GALNTL6: variants seen among roughly 807,000 people sequenced by gnomAD.
GALNTL6 encodes polypeptide N-acetylgalactosaminyltransferase like 6, also known as polypeptide N-acetylgalactosaminyltransferase-like 6.
GALNTL6 carries 46 observed loss-of-function variants against 73.7 expected under a neutral mutation model. The ratio of observed to expected loss-of-function variants is 0.62; its 90% CI spans 0.49 to 0.80. The LOEUF (loss-of-function observed/expected upper bound fraction) is 0.80. Among genes scored for constraint, GALNTL6 ranks in the 30% least tolerant of loss-of-function variants. GALNTL6 has a pLI of 0.00. For synonymous variants in GALNTL6, 259 were observed against 263.7 expected (o/e 0.98, Z 0.17); for missense variants, 604 against 755.0 (o/e 0.80, Z 2.34).
intron 7 of GALNTL6, among the ~76,000 whole-genome samples, chr4:172,866,146 C>G (rs1299107299): frequency 6.6e-6 from 1 of 152,172 alleles, no homozygotes. Context: ...GATACCTGTT[C>G]AGGTATCCTG....
At chr4:171,822,377 T>A (rs995572664) in intron 2 of GALNTL6, among the ~76,000 whole-genome samples, 3 of 152,166 alleles carry the variant, frequency 2.0e-5, no homozygotes, top group African/African-American at 7.2e-5. Flanking sequence ...GTGGGCCTCA[T>A]CCCTTACAGA....
intron 5 of GALNTL6, among the ~76,000 whole-genome samples, chr4:172,598,352 T>G (rs1396153895): frequency 6.6e-6 from 1 of 152,166 alleles, no homozygotes; most frequent in Non-Finnish European, 1.5e-5. Flanking sequence ...AATTATTTCT[T>G]GCTTCTTAAA....
chr4:172,457,170 C>A (rs1031456732), intron 5 of GALNTL6, among the ~76,000 whole-genome samples: 38 of 151,882 alleles, frequency 2.5e-4, no homozygotes, highest in Non-Finnish European at 5.0e-4. Context: ...TTTGTCACCA[C>A]CAGGCCTGCC....
chr4:172,583,792 G>A (rs1459095000), intron 5 of GALNTL6, among the ~76,000 whole-genome samples: 1 of 150,626 alleles, frequency 6.6e-6, no homozygotes, highest in African/African-American at 2.4e-5. Flanking sequence ...AGCTACTCAG[G>A]AGGCTGAGGC....
chr4:172,289,172 CA>C (rs1739372287), intron 3 of GALNTL6, among the ~76,000 whole-genome samples: 1 of 151,936 alleles, frequency 6.6e-6, no homozygotes. Context: ...AGTTAAAATT[CA>C]AAAATCAAAA....
intron 2 of GALNTL6, among the ~76,000 whole-genome samples, chr4:172,149,625 A>G (rs889723188): frequency 6.6e-6 from 1 of 152,074 alleles, no homozygotes; most frequent in Admixed American, 6.6e-5. Context: ...CGCCCAAGTC[A>G]CCGGGGGATG....
At chr4:172,788,541 G>A (rs983422795) in intron 5 of GALNTL6, among the ~76,000 whole-genome samples, 3 of 151,714 alleles carry the variant, frequency 2.0e-5, no homozygotes, top group African/African-American at 7.3e-5. Flanking sequence ...GCGTGTTGGC[G>A]GGCGCCTGTA....
At chr4:172,840,268 C>T (rs559623251) in intron 7 of GALNTL6, among the ~76,000 whole-genome samples, 8 of 152,210 alleles carry the variant, frequency 5.3e-5, no homozygotes, top group Admixed American at 2.6e-4. Context: ...CCTAATCAGA[C>T]GGTCATCATA....
chr4:171,853,028 T>TTTG (rs1735566076), intron 2 of GALNTL6, among the ~76,000 whole-genome samples: 1 of 142,152 alleles, frequency 7.0e-6, no homozygotes, highest in Non-Finnish European at 1.5e-5. Flanking sequence ...TTTTTTTTTT[T>TTTG]TTTTTTTTGT....
intron 3 of GALNTL6, among the ~76,000 whole-genome samples, chr4:172,307,010 T>C (rs1271860439): frequency 6.6e-6 from 1 of 152,226 alleles, no homozygotes; most frequent in African/African-American, 2.4e-5. Context: ...ATGGTAGTTC[T>C]ACTTTTAGTT....
chr4:172,759,181 C>T (rs916535343), intron 5 of GALNTL6, among the ~76,000 whole-genome samples: 1 of 152,214 alleles, frequency 6.6e-6, no homozygotes, highest in Admixed American at 6.5e-5. Context: ...CACCCACTTA[C>T]CAAGCCCCTA....
chr4:172,537,152 T>A (rs116701857), intron 5 of GALNTL6, among the ~76,000 whole-genome samples: 2,531 of 152,290 alleles, frequency 0.017, 67 homozygotes, highest in African/African-American at 0.057. Flanking sequence ...TTTGAGTTAA[T>A]GCTGGAATGA....
intron 4 of GALNTL6, among the ~76,000 whole-genome samples, chr4:172,316,585 G>A (rs952936236): frequency 9.9e-5 from 15 of 152,180 alleles, no homozygotes; most frequent in Non-Finnish European, 1.6e-4. Context: ...CTGTCTAAGA[G>A]AATCTTTACA....
intron 5 of GALNTL6, among the ~76,000 whole-genome samples, chr4:172,424,764 C>G (rs937390066): frequency 5.3e-5 from 8 of 152,174 alleles, no homozygotes; most frequent in Admixed American, 4.6e-4. Context: ...CATTTTAGCT[C>G]TTATTCCATT....
intron 2 of GALNTL6, among the ~76,000 whole-genome samples, chr4:171,986,276 G>T (rs530025994): frequency 1.3e-5 from 2 of 151,810 alleles, no homozygotes; most frequent in African/African-American, 2.4e-5. Context: ...ACAGTCAAAG[G>T]GGGGGTGTTC....
intron 5 of GALNTL6, among the ~76,000 whole-genome samples, chr4:172,386,976 A>G (rs1464295865): frequency 6.6e-6 from 1 of 152,186 alleles, no homozygotes; most frequent in Admixed American, 6.5e-5. Context: ...GAGGAGAGAC[A>G]GGCTCAATGC....
chr4:172,714,631 T>C (rs2111336133), intron 5 of GALNTL6, among the ~76,000 whole-genome samples: 1 of 152,322 alleles, frequency 6.6e-6, no homozygotes, highest in Middle Eastern at 3.4e-3. Context: ...GATTTGATCA[T>C]TGATGCCACT....
intron 7 of GALNTL6, among the ~76,000 whole-genome samples, chr4:172,830,978 G>C (rs2111053399): frequency 6.6e-6 from 1 of 152,028 alleles, no homozygotes; most frequent in East Asian, 1.9e-4. Context: ...TGACCGACAT[G>C]GTGAAACCCT....
chr4:172,197,173 T>C (rs1410037136), intron 2 of GALNTL6, among the ~76,000 whole-genome samples: 1 of 152,102 alleles, frequency 6.6e-6, no homozygotes, highest in Non-Finnish European at 1.5e-5. Flanking sequence ...AAATCATGAA[T>C]GAACTTTCAT....
Sources: allele counts gnomAD v4.1 joint callset (sites outside exome capture counted in the v4.1 genomes callset), GRCh38; gene constraint gnomAD v4.1.1; transcripts MANE v1.5; gene names NCBI Gene and HGNC (gene_info 2026-07-23, HGNC 2026-07-21).